CD96: variants seen among roughly 807,000 people sequenced by gnomAD.
CD96 encodes the protein T-cell surface protein tactile.
Under a neutral mutation model 71.3 loss-of-function variants are expected in CD96, and 70 were observed. The ratio of observed to expected loss-of-function variants is 0.98; its 90% confidence interval spans 0.81 to 1.20. The LOEUF is 1.20. Among genes scored for constraint, CD96 ranks in the 50% most tolerant of loss-of-function variants. The pLI, the probability that CD96 is intolerant of heterozygous loss-of-function variation, is 0.00. For missense variants in CD96, 742 were observed against 677.5 expected, an observed-to-expected ratio of 1.10 and a Z score of -1.06; for synonymous variants, 248 against 233.0, an observed-to-expected ratio of 1.06 and a Z score of -0.59.
chr3:111,601,383 G>A (rs1215895120), intron 7 of CD96, among the ~76,000 whole-genome samples: 2 of 152,146 alleles, frequency 1.3e-5, no homozygotes, highest in Non-Finnish European at 2.9e-5. Context: ...AATAGGGATT[G>A]TATCTTAATA....
intron 8 of CD96, among the ~76,000 whole-genome samples, chr3:111,617,364 A>G (rs1036537632): frequency 3.9e-5 from 6 of 152,192 alleles, no homozygotes; most frequent in Non-Finnish European, 5.9e-5. Context: ...ATCGATGACC[A>G]CTGGGCCAAT....
chr3:111,629,425 A>G (rs1938947977), intron 10 of CD96, among the ~76,000 whole-genome samples: 2 of 152,228 alleles, frequency 1.3e-5, no homozygotes, highest in Non-Finnish European at 2.9e-5. Context: ...AAAGAAGAGC[A>G]TTACATAATG....
rs1041566049 is a variant in CD96 at position 111,589,091 on chromosome 3, C to A, written c.807+3713C>A. Among the ~76,000 whole-genome samples, 4 of 152,060 alleles carry A rather than the reference C, an allele frequency of 2.6e-5. No individual in the cohort carries two copies. The East Asian group carries it at 7.7e-4, about 29-fold the overall frequency. On this transcript the variant is annotated intron_variant, in intron 5 of 13. Coordinates refer to ENST00000352690, the MANE Select transcript of CD96 (RefSeq NM_005816.5). ...TCAGCCTCCTGAGTAGCTGGGATTA[C>A]AGGCGCCTGCCACCATGCCTGGCTA...
At chr3:111,594,044 C>T (rs201572494) in intron 5 of CD96, 50 of 1,614,166 alleles carry the variant, frequency 3.1e-5, no homozygotes, top group East Asian at 2.2e-4. Context: ...CTCAGAGAAC[C>T]GGGTGCCCTT....
At position 111,650,163 on chromosome 3, in the gene CD96, C is replaced by A; in HGVS notation, c.*357C>A. ...TTCAACTGTATGCCCATGCCTGATC[C>A]TCTTATTTGAACATCTATCAACATT... On this transcript the variant is annotated 3_prime_UTR_variant, in exon 14 of 14. Coordinates refer to ENST00000352690, the MANE Select transcript of CD96 (RefSeq NM_005816.5). The A allele has an allele frequency of 3.6e-6, 1 of 278,106 alleles. No individual in the cohort carries two copies. Among genetic ancestry groups the A allele is most frequent in the South Asian group, 4.1e-5 (1 of 24,288 alleles). 17.2% of individuals were successfully genotyped at this position (278,106 alleles called of 1,614,324 possible).
chr3:111,550,216 A>G (rs1934626395), intron 2 of CD96, among the ~76,000 whole-genome samples: 1 of 152,166 alleles, frequency 6.6e-6, no homozygotes, highest in Non-Finnish European at 1.5e-5. Context: ...TAAAACATGA[A>G]GTTTTTTTTA....
At chr3:111,578,530 A>G (rs1191855176) in intron 3 of CD96, among the ~76,000 whole-genome samples, 2 of 152,222 alleles carry the variant, frequency 1.3e-5, no homozygotes, top group Non-Finnish European at 2.9e-5. Flanking sequence ...CAAGACTTTG[A>G]GAATGCCACT....
intron 3 of CD96, chr3:111,570,928 C>T (rs1935950292): frequency 2.5e-5 from 40 of 1,576,312 alleles, no homozygotes; most frequent in South Asian, 2.1e-4. Context: ...GAGGCGCCAG[C>T]GTCAAAGTAG....
intron 5 of CD96, chr3:111,594,610 T>C (rs10804491): frequency 0.79 from 138,281 of 174,812 alleles, 58,390 homozygotes; most frequent in South Asian, 0.91. Flanking sequence ...TTAGGTTTTC[T>C]TGTTTCTCCT....
In CD96 at chr3:111,638,148, C is replaced by A; in HGVS notation, c.1457C>A (p.Thr486Asn). Reference protein sequence around the residue: ...VPTTANGSTKTNHVHITGIVV... With the variant: ...VPTTANGSTKNNHVHITGIVV... ...ACAACTGCCAATGGATCTACGAAAA[C>A]TAATCACGTCCATATCACTGGTAAG... The change falls in exon 12 of 14, where the codon ACT (threonine) becomes AAT (asparagine). Residue 486 changes from threonine to asparagine, a missense_variant. Thr to Asn is a moderately conservative substitution (Grantham distance 65, BLOSUM62 0). Transcript: ENST00000352690. The A allele has an allele frequency of 6.2e-7, 1 of 1,601,658 alleles. No individual in the cohort carries two copies. Among genetic ancestry groups the A allele is most frequent in the Non-Finnish European group, 8.6e-7 (1 of 1,168,630 alleles).
At chr3:111,626,245 G>A (rs571358431) in intron 10 of CD96, among the ~76,000 whole-genome samples, 20 of 137,838 alleles carry the variant, frequency 1.5e-4, no homozygotes, top group Non-Finnish European at 2.3e-4. Context: ...AGCTCGCAGT[G>A]AGCCAAGATC....
intron 10 of CD96, among the ~76,000 whole-genome samples, chr3:111,624,662 G>A (rs1328692547): frequency 6.6e-6 from 1 of 152,212 alleles, no homozygotes. Flanking sequence ...GGGAGACAGT[G>A]GGAATCGAGA....
intron 1 of CD96, among the ~76,000 whole-genome samples, chr3:111,543,569 AAT>A (rs1397415413): frequency 2.6e-5 from 4 of 152,340 alleles, no homozygotes; most frequent in African/African-American, 9.6e-5. Flanking sequence ...AATAAAATAA[AAT>A]AAGTAATAAT....
rs868586275 is a variant in CD96 at position 111,646,834 on chromosome 3, G to T, written c.1478-709G>T. On this transcript the variant is annotated intron_variant, in intron 12 of 13. Coordinates refer to ENST00000352690, the MANE Select transcript of CD96 (RefSeq NM_005816.5). ...ACTAACCTAAACACCCATCCACAGT[G>T]ACTGGATAAAGAAAACGTGGTACAT... is the stretch of plus-strand genomic sequence containing the variant. 4.0e-4 allele frequency among the ~76,000 whole-genome samples: 61 copies of T among 152,074 alleles called. 1 individual carries two copies. Among genetic ancestry groups the T allele is most frequent in the Admixed American group, 2.8e-3 (42 of 15,254 alleles).
chr3:111,621,823 GA>G (rs1938532041), intron 8 of CD96, among the ~76,000 whole-genome samples: 1 of 152,146 alleles, frequency 6.6e-6, no homozygotes, highest in Non-Finnish European at 1.5e-5. Flanking sequence ...CAGCCAATGG[GA>G]AAATCCTCAG....
At chr3:111,556,538 CAT>C (rs1450255719) in intron 2 of CD96, among the ~76,000 whole-genome samples, 3 of 132,830 alleles carry the variant, frequency 2.3e-5, no homozygotes, top group Non-Finnish European at 4.8e-5. Context: ...GTGAACTCAT[CAT>C]TTTTTATGGC....
intron 2 of CD96, among the ~76,000 whole-genome samples, chr3:111,566,143 A>G (rs1935698539): frequency 6.6e-6 from 1 of 151,214 alleles, no homozygotes; most frequent in South Asian, 2.1e-4. Flanking sequence ...ATTTTGATGG[A>G]CTAATACTGT....
Position 111,545,115 on chromosome 3 carries a change from C to A in CD96, c.131C>A (p.Thr44Asn). ...YATLGSDVNL[T>N]CQTQTVGFFV... ...ACACTTGGCTCTGATGTCAACCTGA[C>A]CTGCCAAACACAGACAGTAGGCTTC... Residue 44 changes from threonine to asparagine, a missense_variant, in exon 2 of 14, where the codon ACC (threonine) becomes AAC (asparagine). Physicochemically the swap from Thr to Asn is moderately conservative, Grantham distance 65. Transcript: ENST00000352690. 1 of 1,614,190 alleles carries A rather than the reference C, an allele frequency of 6.2e-7. No individual in the cohort carries two copies. Among genetic ancestry groups the A allele is most frequent in the Non-Finnish European group, 8.5e-7 (1 of 1,180,030 alleles).
chr3:111,556,892 T>C (rs59329112), intron 2 of CD96, among the ~76,000 whole-genome samples: 102,105 of 131,676 alleles, frequency 0.78, 40,095 homozygotes, highest in East Asian at 0.96. Context: ...GTAATGATTG[T>C]CATTCTAACT....
Sources: gnomAD v4.1 joint callset for allele counts (sites outside exome capture counted in the v4.1 genomes callset) on GRCh38, gnomAD v4.1.1 for gene constraint, MANE v1.5 for transcripts, NCBI Gene and HGNC (gene_info 2026-07-23, HGNC 2026-07-21) for gene names.